The following ACACA variants were observed in gnomAD, a reference collection of about 807,000 sequenced individuals.
ACACA encodes acetyl-CoA carboxylase 1.
Under a neutral mutation model 296.1 loss-of-function variants are expected in ACACA, and 103 were observed. That is an observed-to-expected ratio of 0.35 (90% CI 0.30 to 0.41). ACACA has a LOEUF of 0.41. Among genes scored for constraint, ACACA ranks in the 10% least tolerant of loss-of-function variants. The pLI, the probability that ACACA is intolerant of heterozygous loss-of-function variation, is 1.00. For synonymous variants in ACACA, 953 were observed against 1,038.6 expected, an observed-to-expected ratio of 0.92 and a Z score of 1.58; for missense variants, 1,554 against 2,989.7, an observed-to-expected ratio of 0.52 and a Z score of 11.20.
chr17:37,139,293 G>A lies in ACACA; in HGVS notation c.5680-9075C>T, dbSNP rs574030010. ...CAATGTTTTATTAGAAACAGACAGT[G>A]TAGAGACCCTACATGCCACCCAAAG... is the stretch of plus-strand genomic sequence containing the variant. On this transcript the variant is annotated intron_variant, in intron 45 of 55. Coordinates refer to ENST00000616317, the MANE Select transcript of ACACA (RefSeq NM_198834.3). Among the ~76,000 whole-genome samples the A allele has an allele frequency of 3.9e-5, 6 of 152,304 alleles. No individual in the cohort carries two copies. In the East Asian group the frequency reaches 1.2e-3, roughly 29 times the overall value.
At chr17:37,365,648 C>T in intron 1 of ACACA, 1 of 985,386 alleles carries the variant, frequency 1.0e-6, no homozygotes, top group Non-Finnish European at 1.2e-6. Context: ...TGTCTCTTTG[C>T]TCTTGTTAAT....
chr17:37,235,140 A>G, intron 24 of ACACA, 41 bp from the exon 25 acceptor site: 1 of 1,610,420 alleles, frequency 6.2e-7, no homozygotes, highest in South Asian at 1.1e-5. Flanking sequence ...CCATGTATAA[A>G]TGTTCACATT....
At chr17:37,181,392 A>G (rs1366917299) in intron 39 of ACACA, 36 bp from the exon 40 acceptor site, 2 of 1,613,270 alleles carry the variant, frequency 1.2e-6, no homozygotes, top group South Asian at 2.2e-5. Context: ...GAGTTAAGAG[A>G]CAGAAAAAAA....
At chr17:37,376,230 A>G in intron 1 of ACACA, 1 of 1,210,458 alleles carries the variant, frequency 8.3e-7, no homozygotes, top group Non-Finnish European at 1.2e-6. Context: ...TCCACCAGAT[A>G]GAGATGTAGC....
intron 2 of ACACA, among the ~76,000 whole-genome samples, chr17:37,336,079 C>T (rs1277180769): frequency 2.0e-5 from 3 of 152,070 alleles, no homozygotes. Context: ...TATCTTTAAC[C>T]TCCTTGTTAA....
At chr17:37,109,969 G>A (rs1229999860) in intron 52 of ACACA, among the ~76,000 whole-genome samples, 1 of 152,118 alleles carries the variant, frequency 6.6e-6, no homozygotes, top group Admixed American at 6.5e-5. Context: ...GCGGCCCTGC[G>A]GCTTGTTTGT....
chr17:37,288,109 A>G (rs1032018270), intron 3 of ACACA, among the ~76,000 whole-genome samples: 3 of 152,210 alleles, frequency 2.0e-5, no homozygotes, highest in Non-Finnish European at 4.4e-5. Context: ...TGTTCTTCCA[A>G]TTACACTATG....
chr17:37,388,835 A>G, intron 1 of ACACA: 3 of 1,607,462 alleles, frequency 1.9e-6, no homozygotes, highest in Non-Finnish European at 2.5e-6. Context: ...CTTGACCCAT[A>G]AAGACTTTCT....
chr17:37,103,927 A>G (rs755158814), intron 52 of ACACA, among the ~76,000 whole-genome samples: 8 of 152,134 alleles, frequency 5.3e-5, no homozygotes, highest in Non-Finnish European at 8.8e-5. Flanking sequence ...CTGTAGTCCC[A>G]GAGATACTCT....
In ACACA at chr17:37,129,325, T is replaced by A. The variant is rs543113874; in HGVS notation, c.5944+40A>T. 6 of 1,613,238 alleles carry A rather than the reference T, an allele frequency of 3.7e-6. No homozygotes were observed. In the East Asian group the frequency reaches 1.1e-4, roughly 30 times the overall value. ...GTGATTGAAAAGAACGCTAAAAGCT[T>A]AAGAGCCAGGTACCATGGGGTCCTC... is the stretch of plus-strand genomic sequence containing the variant. On this transcript the variant is annotated intron_variant, in intron 47 of 55. Transcript: ENST00000616317.
intron 1 of ACACA, among the ~76,000 whole-genome samples, chr17:37,362,990 A>G (rs1283828252): frequency 4.7e-5 from 7 of 148,158 alleles, no homozygotes; most frequent in Non-Finnish European, 1.0e-4. Context: ...AAAAAAAAAA[A>G]CAAAACCACC....
chr17:37,377,662 T>TC (rs2050062665), intron 1 of ACACA, among the ~76,000 whole-genome samples: 1 of 32,870 alleles, frequency 3.0e-5, no homozygotes, highest in African/African-American at 1.6e-4. Flanking sequence ...TCCGTCTCAA[T>TC]AAATAAATAA....
At chr17:37,174,016 A>ATTTTTTTTTT (rs1336673580) in intron 41 of ACACA, among the ~76,000 whole-genome samples, 1 of 15,038 alleles carries the variant, frequency 6.6e-5, no homozygotes, top group Non-Finnish European at 1.1e-4. Flanking sequence ...ATATATATAT[A>ATTTTTTTTTT]TATATTTTTT....
chr17:37,249,678 TA>T (rs1424212455), intron 16 of ACACA, among the ~76,000 whole-genome samples: 4 of 152,306 alleles, frequency 2.6e-5, no homozygotes, highest in East Asian at 1.9e-4. Context: ...AAAAACACTT[TA>T]AAAAATATAC....
intron 10 of ACACA, among the ~76,000 whole-genome samples, chr17:37,266,256 A>C (rs1383857401): frequency 6.6e-6 from 1 of 151,892 alleles, no homozygotes; most frequent in Admixed American, 6.6e-5. Context: ...TCTAGTCAAA[A>C]CACAAAAACT....
chr17:37,169,413 C>A (rs990687544), intron 41 of ACACA, among the ~76,000 whole-genome samples: 2 of 152,090 alleles, frequency 1.3e-5, no homozygotes, highest in African/African-American at 4.8e-5. Context: ...TTCCCTCTGC[C>A]CTTGTTAGAT....
intron 16 of ACACA, among the ~76,000 whole-genome samples, chr17:37,250,366 G>A (rs1455315241): frequency 2.0e-5 from 3 of 152,162 alleles, no homozygotes; most frequent in African/African-American, 4.8e-5. Flanking sequence ...AAGGTTGGGC[G>A]CAGTGGCTCA....
intron 1 of ACACA, among the ~76,000 whole-genome samples, chr17:37,350,499 A>C (rs569118114): frequency 6.6e-6 from 1 of 152,112 alleles, no homozygotes; most frequent in Admixed American, 6.6e-5. Context: ...CAGCATGGGC[A>C]AAAGAGCGAG....
chr17:37,336,053 T>C (rs547432897), intron 2 of ACACA, among the ~76,000 whole-genome samples: 1 of 152,254 alleles, frequency 6.6e-6, no homozygotes, highest in African/African-American at 2.4e-5. Context: ...ATATTGTTAC[T>C]CCTCTTTGGA....
Sources: allele counts gnomAD v4.1 joint callset (sites outside exome capture counted in the v4.1 genomes callset), GRCh38; gene constraint gnomAD v4.1.1; transcripts MANE v1.5; gene names NCBI Gene and HGNC (gene_info 2026-07-23, HGNC 2026-07-21).